The following LIMD1 variants were observed in gnomAD, a reference collection of about 807,000 sequenced individuals.
The protein encoded by LIMD1 is LIM domain-containing protein 1.
LIMD1 carries 23 observed loss-of-function variants against 58.4 expected under a neutral mutation model. The ratio of observed to expected loss-of-function variants is 0.39; its 90% confidence interval spans 0.28 to 0.56. The LOEUF (loss-of-function observed/expected upper bound fraction) is 0.56, where lower values mean the gene tolerates loss of function less well. LIMD1 is among the 20% of genes least tolerant of loss of function. The pLI is 0.57. For missense variants in LIMD1, 838 were observed against 855.5 expected (o/e 0.98, Z 0.25); for synonymous variants, 334 against 345.5 (o/e 0.97, Z 0.37).
intron 2 of LIMD1, among the ~76,000 whole-genome samples, chr3:45,650,179 A>G (rs1207051388): frequency 6.6e-6 from 1 of 152,072 alleles, no homozygotes; most frequent in Non-Finnish European, 1.5e-5. Flanking sequence ...TTCGTTATTT[A>G]AAAAGTTCTT....
At chr3:45,608,839 CAAAAAA>C (rs60750700) in intron 1 of LIMD1, among the ~76,000 whole-genome samples, 1 of 102,980 alleles carries the variant, frequency 9.7e-6, no homozygotes, top group Admixed American at 1.1e-4. Flanking sequence ...GACTCGGTAT[CAAAAAA>C]AAAAAAAAAA....
At chr3:45,660,144 C>T (rs1461778114) in intron 2 of LIMD1, among the ~76,000 whole-genome samples, 6 of 152,176 alleles carry the variant, frequency 3.9e-5, no homozygotes, top group Admixed American at 1.3e-4. Flanking sequence ...TTGCTGTGTT[C>T]TCCATACATT....
chr3:45,636,307 C>A, intron 2 of LIMD1, 56 bp downstream of exon 2: 3 of 1,286,108 alleles, frequency 2.3e-6, no homozygotes, highest in Non-Finnish European at 3.3e-6. Context: ...ACATGGGAAC[C>A]GAGAAAGGGA....
chr3:45,609,322 G>C (rs181674989), intron 1 of LIMD1, among the ~76,000 whole-genome samples: 13 of 152,194 alleles, frequency 8.5e-5, no homozygotes, highest in African/African-American at 3.1e-4. Context: ...TACATTTTGC[G>C]GTTAAGGGAA....
At chr3:45,629,260 A>C (rs1049725068) in intron 1 of LIMD1, among the ~76,000 whole-genome samples, 1 of 151,922 alleles carries the variant, frequency 6.6e-6, no homozygotes, top group African/African-American at 2.4e-5. Context: ...TAAAAATACA[A>C]AAATTAGCCA....
intron 1 of LIMD1, among the ~76,000 whole-genome samples, chr3:45,633,123 T>C (rs1459001664): frequency 6.6e-6 from 1 of 152,198 alleles, no homozygotes; most frequent in Non-Finnish European, 1.5e-5. Flanking sequence ...AGTTTCATAC[T>C]GGTGGGGGCT....
chr3:45,648,890 C>A (rs537794649), intron 2 of LIMD1, among the ~76,000 whole-genome samples: 13 of 152,256 alleles, frequency 8.5e-5, no homozygotes, highest in African/African-American at 3.1e-4. Context: ...AAAATGTCTT[C>A]TCAATTCCCT....
intron 1 of LIMD1, among the ~76,000 whole-genome samples, chr3:45,605,325 G>A (rs767117145): frequency 1.3e-5 from 2 of 152,228 alleles, no homozygotes; most frequent in Admixed American, 6.5e-5. Flanking sequence ...AGACCTTTAC[G>A]GAATTAAAAA....
At chr3:45,642,567 C>T (rs4682796) in intron 2 of LIMD1, among the ~76,000 whole-genome samples, 152,374 of 152,374 alleles carry the variant, frequency 1, 76,187 homozygotes, top group Non-Finnish European at 1. Flanking sequence ...CCAGGTTTTC[C>T]CCAAGTTTAT....
At chr3:45,598,996 T>C (rs1377054275) in intron 1 of LIMD1, among the ~76,000 whole-genome samples, 1 of 152,222 alleles carries the variant, frequency 6.6e-6, no homozygotes, top group East Asian at 1.9e-4. Context: ...ATTAAATTAC[T>C]TACTGGCGGT....
intron 1 of LIMD1, among the ~76,000 whole-genome samples, chr3:45,613,226 C>T (rs1402513662): frequency 6.6e-6 from 1 of 152,126 alleles, no homozygotes; most frequent in Non-Finnish European, 1.5e-5. Context: ...AATGAATCAA[C>T]AATATATACT....
intron 2 of LIMD1, among the ~76,000 whole-genome samples, chr3:45,640,630 A>G (rs372431334): frequency 6.6e-6 from 1 of 152,132 alleles, no homozygotes; most frequent in Admixed American, 6.5e-5. Context: ...GGGTTTCACC[A>G]TGTTGGCCAG....
chr3:45,644,147 AAAAC>A (rs2125661110), intron 2 of LIMD1, among the ~76,000 whole-genome samples: 1 of 152,344 alleles, frequency 6.6e-6, no homozygotes, highest in African/African-American at 2.4e-5. Flanking sequence ...TGAGATAAAT[AAAAC>A]AATTAGGACC....
At chr3:45,631,603 A>G (rs903625491) in intron 1 of LIMD1, among the ~76,000 whole-genome samples, 2 of 152,188 alleles carry the variant, frequency 1.3e-5, no homozygotes, top group Admixed American at 1.3e-4. Flanking sequence ...AGCTGCAGGA[A>G]CAGAAAGTGA....
intron 1 of LIMD1, among the ~76,000 whole-genome samples, chr3:45,602,959 G>T (rs917845721): frequency 6.6e-6 from 1 of 151,946 alleles, no homozygotes; most frequent in Non-Finnish European, 1.5e-5. Context: ...TCCTGCCTCA[G>T]CCTCCTGGAT....
At chr3:45,612,794 A>C (rs1206242163) in intron 1 of LIMD1, 1 of 152,236 alleles carries the variant, frequency 6.6e-6, no homozygotes, top group Admixed American at 6.5e-5. Context: ...GTTGATCTTC[A>C]TTATCCACAG....
chr3:45,670,463 A>G (rs1273731651), intron 4 of LIMD1, among the ~76,000 whole-genome samples: 1 of 152,122 alleles, frequency 6.6e-6, no homozygotes, highest in African/African-American at 2.4e-5. Flanking sequence ...TCTGTGTGGC[A>G]TTGGCTGGGG....
At chr3:45,656,116 A>G (rs1559523579) in intron 2 of LIMD1, among the ~76,000 whole-genome samples, 1 of 152,230 alleles carries the variant, frequency 6.6e-6, no homozygotes, top group Non-Finnish European at 1.5e-5. Context: ...AACAGCAGGA[A>G]GACAGCCATC....
chr3:45,677,105 T>C lies in LIMD1; in HGVS notation c.*46T>C, dbSNP rs1559527656. 1.3e-6 allele frequency: 2 copies of C among 1,595,354 alleles called. No individual in the cohort carries two copies. Among genetic ancestry groups the C allele is most frequent in the African/African-American group, 1.3e-5 (1 of 74,550 alleles). ...CACGGCAGGGGATGAGGAGCCGGGG[T>C]TGCTGCTGCTGCTTCCGGTGGCCCC... On this transcript the variant is annotated 3_prime_UTR_variant, in exon 8 of 8. Transcript: ENST00000273317.
Sources: gnomAD v4.1 joint callset for allele counts (sites outside exome capture counted in the v4.1 genomes callset) on GRCh38, gnomAD v4.1.1 for gene constraint, MANE v1.5 for transcripts, NCBI Gene and HGNC (gene_info 2026-07-23, HGNC 2026-07-21) for gene names.